Variants in MSN observed in about 807,000 individuals in gnomAD.
MSN encodes the protein epididymis luminal protein 70.
In MSN, 2 loss-of-function variants were observed where a neutral mutation model predicts 48.0. The observed-to-expected ratio is 0.04, with a 90% CI of 0.02 to 0.13. The LOEUF (loss-of-function observed/expected upper bound fraction) is 0.13. Among genes scored for constraint, MSN ranks in the 10% least tolerant of loss-of-function variants. MSN has a pLI of 1.00. For missense variants in MSN, 267 were observed against 470.1 expected, an observed-to-expected ratio of 0.57 and a Z score of 3.99; for synonymous variants, 146 against 166.9, an observed-to-expected ratio of 0.87 and a Z score of 0.97.
chrX:65,637,128 C>A (rs1422395376), intron 1 of MSN, among the ~76,000 whole-genome samples: 1 of 107,161 alleles, frequency 9.3e-6, no homozygotes, highest in Non-Finnish European at 1.9e-5. Flanking sequence ...TTAGGCCGGG[C>A]GTGGTGGTTC....
In MSN at chrX:65,740,413, G is replaced by A; in HGVS notation, c.*520G>A. On this transcript the variant is annotated 3_prime_UTR_variant, in exon 13 of 13. Transcript: ENST00000360270. The stretch of plus-strand genomic sequence containing the variant: ...TCCCATCCCGTTTAGAGTTATTTAG[G>A]CTTTGTAACGATTGGGGGATAAAAA... 1 of 175,213 alleles carries A rather than the reference G, an allele frequency of 5.7e-6. No individual in the cohort carries two copies. Among genetic ancestry groups the A allele is most frequent in the Non-Finnish European group, 1.1e-5 (1 of 91,516 alleles). The allele number at this position is 175,213 out of a possible 1,213,427, so 14.4% of individuals were successfully genotyped here. A position where few individuals can be genotyped will look rare whatever the true frequency, so the allele number is the denominator to read the frequency against.
intron 1 of MSN, among the ~76,000 whole-genome samples, chrX:65,616,948 G>C (rs188320675): frequency 9.1e-6 from 1 of 110,313 alleles, no homozygotes; most frequent in East Asian, 2.8e-4. Flanking sequence ...GGCCTTTTCC[G>C]CATCTATTGA....
chrX:65,731,204 A>G lies in MSN; in HGVS notation c.551+14A>G. On this transcript the variant is annotated intron_variant, in intron 5 of 12. Transcript: ENST00000360270. The stretch of plus-strand genomic sequence containing the variant: ...TGGCATGCTCAGGTAAGCTTGCCCA[A>G]GCAGTGGTGGGCCCCACTTCCCTTA... The G allele has an allele frequency of 2.5e-6, 3 of 1,181,074 alleles. No homozygotes were observed. The highest frequency in any genetic ancestry group is 3.7e-5 in the South Asian group (2 of 54,163).
At chrX:65,686,084 G>C (rs983132129) in intron 1 of MSN, among the ~76,000 whole-genome samples, 16 of 112,805 alleles carry the variant, frequency 1.4e-4, no homozygotes, top group Admixed American at 1.1e-3. Context: ...CTCAGCTGTA[G>C]GTGAGCCACC....
At chrX:65,736,946 G>A (rs756439511) in intron 9 of MSN, 21 bp downstream of exon 9, 18 of 1,206,433 alleles carry the variant, frequency 1.5e-5, no homozygotes, top group Non-Finnish European at 1.9e-5. Flanking sequence ...GAGTCACCTT[G>A]GAGATTGGAT....
intron 1 of MSN, among the ~76,000 whole-genome samples, chrX:65,627,800 T>C (rs1019567001): frequency 3.6e-5 from 4 of 112,196 alleles, no homozygotes; most frequent in Non-Finnish European, 7.5e-5. Context: ...CCCCTCTGCC[T>C]ATAAGCCTGT....
At chrX:65,619,773 G>A (rs987829475) in intron 1 of MSN, among the ~76,000 whole-genome samples, 2 of 109,392 alleles carry the variant, frequency 1.8e-5, no homozygotes, top group African/African-American at 7.1e-5. Flanking sequence ...CTTTGGAGGA[G>A]GAGAGGTGCT....
At chrX:65,636,461 G>A (rs989919756) in intron 1 of MSN, among the ~76,000 whole-genome samples, 1 of 111,118 alleles carries the variant, frequency 9.0e-6, no homozygotes, top group Non-Finnish European at 1.9e-5. Context: ...AGCAGGCTGG[G>A]TGTGGTGGCT....
At chrX:65,638,934 TACA>T (rs891651299) in intron 1 of MSN, among the ~76,000 whole-genome samples, 6 of 112,157 alleles carry the variant, frequency 5.3e-5, no homozygotes, top group African/African-American at 9.7e-5. Context: ...GTGTCTCAGT[TACA>T]TACCTTGTAA....
At chrX:65,666,004 C>T (rs1216147430), upstream of MSN, among the ~76,000 whole-genome samples, 1 of 111,279 alleles carries the variant, frequency 9.0e-6, no homozygotes, top group African/African-American at 3.3e-5. Flanking sequence ...AACTAAAACT[C>T]GGACTTATTT....
Position 65,667,754 on chromosome X carries a change from G to C in MSN, c.-88G>C, listed in dbSNP as rs2070888468. Reference sequence around the variant, plus strand: ...GGGACCCAATCTGAGTCCCCGGCCAGCCGAATCCAAGCCGTGTGTACTGCG... The same window carrying C: ...GGGACCCAATCTGAGTCCCCGGCCACCCGAATCCAAGCCGTGTGTACTGCG... On this transcript the variant is annotated 5_prime_UTR_variant, in exon 1 of 13. Transcript: ENST00000360270. The C allele has an allele frequency of 8.4e-7, 1 of 1,186,549 alleles. No individual in the cohort carries two copies. The highest frequency in any genetic ancestry group is 1.1e-6 in the Non-Finnish European group (1 of 880,667).
At chrX:65,649,783 T>C (rs778137646) in intron 1 of MSN, among the ~76,000 whole-genome samples, 1 of 106,687 alleles carries the variant, frequency 9.4e-6, no homozygotes, top group East Asian at 2.9e-4. Context: ...CTTTTCATAG[T>C]AGGACTAGGA....
chrX:65,661,334 T>C (rs887428805), intron 1 of MSN, among the ~76,000 whole-genome samples: 1 of 111,992 alleles, frequency 8.9e-6, no homozygotes, highest in African/African-American at 3.2e-5. Flanking sequence ...GGTTGTTGAA[T>C]TGTATTGAAA....
intron 8 of MSN, among the ~76,000 whole-genome samples, chrX:65,736,063 G>T (rs1336754458): frequency 7.1e-5 from 8 of 112,073 alleles, no homozygotes; most frequent in Non-Finnish European, 1.3e-4. Context: ...TTTAGGGCAG[G>T]CAGTGTTAGA....
chrX:65,706,291 C>T (rs929818365), intron 1 of MSN, among the ~76,000 whole-genome samples: 8 of 111,637 alleles, frequency 7.2e-5, no homozygotes, highest in African/African-American at 2.6e-4. Flanking sequence ...TAGCTTCCGA[C>T]CTGATGAAGG....
intron 1 of MSN, among the ~76,000 whole-genome samples, chrX:65,714,484 TA>T (rs1335426829): frequency 1.8e-5 from 2 of 111,756 alleles, no homozygotes; most frequent in African/African-American, 3.3e-5. Context: ...CATCTGTTAT[TA>T]TTTTTTTTTG....
intron 12 of MSN, 147 bp from the exon 13 acceptor site, chrX:65,739,582 G>T: frequency 1.5e-6 from 1 of 656,489 alleles, no homozygotes; most frequent in Non-Finnish European, 2.2e-6. Context: ...AGTTCTAACA[G>T]AGTTGGAAAT....
intron 1 of MSN, among the ~76,000 whole-genome samples, chrX:65,624,232 C>G (rs1197444184): frequency 9.2e-6 from 1 of 109,288 alleles, no homozygotes; most frequent in East Asian, 2.9e-4. Context: ...GCATGCACCA[C>G]CACACCCGGC....
intron 1 of MSN, among the ~76,000 whole-genome samples, chrX:65,641,550 G>GTATATATATATATATATA (rs1168302693): frequency 6.5e-5 from 1 of 15,391 alleles, no homozygotes; most frequent in African/African-American, 2.4e-4. Flanking sequence ...AAAAAGTGAA[G>GTATATATATATATATATA]TATATATATA....
Sources: allele counts gnomAD v4.1 joint callset (sites outside exome capture counted in the v4.1 genomes callset), GRCh38; gene constraint gnomAD v4.1.1; transcripts MANE v1.5; gene names NCBI Gene and HGNC (gene_info 2026-07-23, HGNC 2026-07-21).